Variants in NKAIN2 observed in about 807,000 individuals in gnomAD.
The protein encoded by NKAIN2 is sodium/potassium-transporting ATPase subunit beta-1-interacting protein 2.
In NKAIN2, 14 loss-of-function variants were observed where a neutral mutation model predicts 32.6. The observed-to-expected ratio is 0.43, with a 90% CI of 0.28 to 0.67. The LOEUF (loss-of-function observed/expected upper bound fraction) is 0.67, where lower values mean the gene tolerates loss of function less well. NKAIN2 is among the 30% of genes least tolerant of loss of function. The pLI is 0.17. For missense variants in NKAIN2, 198 were observed against 258.3 expected (o/e 0.77, Z 1.60); for synonymous variants, 80 against 87.2 (o/e 0.92, Z 0.46).
intron 1 of NKAIN2, among the ~76,000 whole-genome samples, chr6:123,951,238 G>A (rs1326057064): frequency 6.6e-6 from 1 of 151,988 alleles, no homozygotes; most frequent in African/African-American, 2.4e-5. Flanking sequence ...TTCTGTGGCT[G>A]TTGGGTGAAA....
chr6:123,852,748 A>G (rs1478770536), intron 1 of NKAIN2, among the ~76,000 whole-genome samples: 2 of 152,244 alleles, frequency 1.3e-5, no homozygotes, highest in East Asian at 3.9e-4. Context: ...GGCCAGGCAC[A>G]GAAAGACAGA....
At chr6:124,215,467 A>G (rs721375) in intron 1 of NKAIN2, among the ~76,000 whole-genome samples, 3,407 of 152,310 alleles carry the variant, frequency 0.022, 128 homozygotes, top group Admixed American at 0.087. Context: ...ATAACATGAT[A>G]CATTATGTGG....
chr6:124,278,411 C>T (rs934865574), intron 1 of NKAIN2, among the ~76,000 whole-genome samples: 6 of 151,748 alleles, frequency 4.0e-5, no homozygotes, highest in African/African-American at 1.5e-4. Context: ...TTCTGATGAA[C>T]ATTTATTGTC....
At chr6:124,472,361 A>G (rs1777009035) in intron 3 of NKAIN2, among the ~76,000 whole-genome samples, 2 of 152,210 alleles carry the variant, frequency 1.3e-5, no homozygotes, top group South Asian at 2.1e-4. Context: ...CAAGCACCAC[A>G]TAGTATATAG....
chr6:124,029,224 C>T (rs950899121), intron 1 of NKAIN2, among the ~76,000 whole-genome samples: 9 of 151,900 alleles, frequency 5.9e-5, no homozygotes, highest in African/African-American at 2.2e-4. Flanking sequence ...TCTATTGTGA[C>T]GGAAAGTGCT....
Position 123,882,387 on chromosome 6 carries a change from C to T in NKAIN2, c.54+78133C>T, listed in dbSNP as rs569870924. Among the ~76,000 whole-genome samples the T allele has an allele frequency of 3.9e-5, 6 of 152,134 alleles. 1 individual carries two copies. The South Asian group carries it at 8.3e-4, about 21-fold the overall frequency. On this transcript the variant is annotated intron_variant, in intron 1 of 6. Transcript: ENST00000368417. ...ATCACTAATGTCCTTTCAAACCACCCTAAAATGGGGACAATTATTTCATCT... is the reference window on the plus strand; with the variant it reads ...ATCACTAATGTCCTTTCAAACCACCTTAAAATGGGGACAATTATTTCATCT...
chr6:124,386,897 A>G (rs1416589187), intron 3 of NKAIN2, among the ~76,000 whole-genome samples: 1 of 152,174 alleles, frequency 6.6e-6, no homozygotes, highest in South Asian at 2.1e-4. Flanking sequence ...TGATTTTACA[A>G]TTCTTCTACC....
At position 124,590,826 on chromosome 6, in the gene NKAIN2, G is replaced by A. The variant is rs1033734971; in HGVS notation, c.274-67360G>A. Reference sequence around the variant, plus strand: ...TGGCCCATGTCTTAAAGCTCCAGAGGAGCAGGCTGGAGTTCCAGCTGATAA... The same window carrying A: ...TGGCCCATGTCTTAAAGCTCCAGAGAAGCAGGCTGGAGTTCCAGCTGATAA... On this transcript the variant is annotated intron_variant, in intron 3 of 6. Coordinates refer to ENST00000368417, the MANE Select transcript of NKAIN2 (RefSeq NM_001040214.3). 1.0e-4 allele frequency among the ~76,000 whole-genome samples: 15 copies of A among 149,648 alleles called. No homozygotes were observed. In the South Asian group the frequency reaches 1.9e-3, roughly 19 times the overall value.
intron 1 of NKAIN2, among the ~76,000 whole-genome samples, chr6:124,087,060 A>T (rs1460246562): frequency 6.6e-6 from 1 of 152,006 alleles, no homozygotes; most frequent in East Asian, 1.9e-4. Flanking sequence ...AATATATTTT[A>T]AAAATGTAGA....
At chr6:123,942,045 T>G (rs897852255) in intron 1 of NKAIN2, among the ~76,000 whole-genome samples, 11 of 151,978 alleles carry the variant, frequency 7.2e-5, no homozygotes, top group Non-Finnish European at 1.5e-4. Flanking sequence ...CTAGTTGACT[T>G]TTGCTAACAT....
chr6:124,117,219 A>G (rs1424932472), intron 1 of NKAIN2, among the ~76,000 whole-genome samples: 1 of 152,156 alleles, frequency 6.6e-6, no homozygotes, highest in Non-Finnish European at 1.5e-5. Context: ...GAGGTCCAGG[A>G]GAAAAATTAA....
intron 1 of NKAIN2, among the ~76,000 whole-genome samples, chr6:123,955,196 C>CAAAAA (rs5879708): frequency 9.5e-6 from 1 of 105,020 alleles, no homozygotes. Flanking sequence ...ACAGAAAAAC[C>CAAAAA]AAAAAAAAAA....
chr6:124,518,524 CAAAAG>C (rs541645831), intron 3 of NKAIN2, among the ~76,000 whole-genome samples: 130 of 152,010 alleles, frequency 8.6e-4, no homozygotes, highest in Non-Finnish European at 1.5e-3. Flanking sequence ...CAGGAGGAAT[CAAAAG>C]AGAGAGTGAG....
chr6:124,373,046 G>A (rs1448263515), intron 3 of NKAIN2, among the ~76,000 whole-genome samples: 1 of 152,176 alleles, frequency 6.6e-6, no homozygotes, highest in African/African-American at 2.4e-5. Flanking sequence ...AGCAAGAGTT[G>A]CAAGAGGAAA....
intron 1 of NKAIN2, among the ~76,000 whole-genome samples, chr6:123,855,728 T>C (rs1775532645): frequency 6.6e-6 from 1 of 152,224 alleles, no homozygotes; most frequent in South Asian, 2.1e-4. Flanking sequence ...ACAAGGCTAT[T>C]TGTGTATCCT....
chr6:124,405,163 C>T (rs1327887669), intron 3 of NKAIN2, among the ~76,000 whole-genome samples: 1 of 152,112 alleles, frequency 6.6e-6, no homozygotes, highest in African/African-American at 2.4e-5. Flanking sequence ...TAAACATAGT[C>T]GAGTGTTAGA....
rs561704657 is a variant in NKAIN2 at position 123,911,653 on chromosome 6, C to G, written c.54+107399C>G. ...CCATGCCATGCCATTATTTTATATA[C>G]AAATCTGGAGAAGAAGCATTTGAAA... On this transcript the variant is annotated intron_variant, in intron 1 of 6. Coordinates refer to ENST00000368417, the MANE Select transcript of NKAIN2 (RefSeq NM_001040214.3). 3.5e-3 allele frequency among the ~76,000 whole-genome samples: 532 copies of G among 151,796 alleles called. 1 individual carries two copies. The highest frequency in any genetic ancestry group is 0.012 in the African/African-American group (508 of 41,416).
At chr6:123,989,092 A>ACTGGAGC (rs1447855085) in intron 1 of NKAIN2, among the ~76,000 whole-genome samples, 1 of 152,164 alleles carries the variant, frequency 6.6e-6, no homozygotes, top group Non-Finnish European at 1.5e-5. Flanking sequence ...TGGATTTTAA[A>ACTGGAGC]CTGGAGCGTG....
intron 3 of NKAIN2, among the ~76,000 whole-genome samples, chr6:124,510,793 T>C (rs1041310904): frequency 3.9e-5 from 6 of 152,202 alleles, no homozygotes; most frequent in African/African-American, 1.4e-4. Context: ...ATGCATTTTA[T>C]TAAACAACAA....
Sources: gnomAD v4.1 joint callset for allele counts (sites outside exome capture counted in the v4.1 genomes callset) on GRCh38, gnomAD v4.1.1 for gene constraint, MANE v1.5 for transcripts, NCBI Gene and HGNC (gene_info 2026-07-23, HGNC 2026-07-21) for gene names.